Variants in CSNK1G1 observed in about 807,000 individuals in gnomAD.
CSNK1G1 encodes casein kinase 1 gamma 1.
CSNK1G1 carries 22 observed loss-of-function variants against 59.6 expected under a neutral mutation model. The ratio of observed to expected loss-of-function variants is 0.37; its 90% CI spans 0.26 to 0.53. The LOEUF (loss-of-function observed/expected upper bound fraction) is 0.53. Ranked by LOEUF, CSNK1G1 falls within the 20% of genes least tolerant of loss-of-function variation. The pLI, the probability that CSNK1G1 is intolerant of heterozygous loss-of-function variation, is 0.89. For synonymous variants in CSNK1G1, 179 were observed against 177.1 expected, an observed-to-expected ratio of 1.01 and a Z score of -0.08; for missense variants, 384 against 519.5, an observed-to-expected ratio of 0.74 and a Z score of 2.54.
intron 2 of CSNK1G1, among the ~76,000 whole-genome samples, chr15:64,279,102 T>C (rs1450622728): frequency 6.6e-6 from 1 of 152,246 alleles, no homozygotes; most frequent in African/African-American, 2.4e-5. Context: ...TTTTGTAATT[T>C]TGTTTACACC....
chr15:64,229,528 T>TTCTCTCTCTCTCTC (rs34099287), intron 4 of CSNK1G1, among the ~76,000 whole-genome samples: 1 of 144,242 alleles, frequency 6.9e-6, no homozygotes, highest in African/African-American at 2.6e-5. Flanking sequence ...CTCTCTCTCT[T>TTCTCTCTCTCTCTC]TCTCTCTCTC....
intron 2 of CSNK1G1, among the ~76,000 whole-genome samples, chr15:64,295,608 G>C (rs1447754410): frequency 6.6e-6 from 1 of 152,110 alleles, no homozygotes; most frequent in Non-Finnish European, 1.5e-5. Context: ...AGAATATGAG[G>C]ACTAAAAAGC....
rs1431839941 is a variant in CSNK1G1 at position 64,229,473 on chromosome 15, G to A, written c.293-12760C>T. 1.1e-4 allele frequency among the ~76,000 whole-genome samples: 17 copies of A among 152,086 alleles called. No homozygotes were observed. In the East Asian group the frequency reaches 2.9e-3, roughly 26 times the overall value. On this transcript the variant is annotated intron_variant, in intron 4 of 11. Coordinates refer to ENST00000303052, the MANE Select transcript of CSNK1G1 (RefSeq NM_022048.5). ...TCTCATGTAACAAGAGTCAACTCTA[G>A]GACTTTTGTGGAACTATAGAGAAGG... is the stretch of plus-strand genomic sequence containing the variant.
chr15:64,179,243 C>G (rs937532941), intron 11 of CSNK1G1, among the ~76,000 whole-genome samples: 4 of 151,896 alleles, frequency 2.6e-5, no homozygotes, highest in African/African-American at 9.7e-5. Flanking sequence ...GAGACCCTGT[C>G]TCAAAAAATA....
rs971559745 is a variant in CSNK1G1, at chr15:64,323,470, A to G, written c.-224-22747T>C. On this transcript the variant is annotated intron_variant, in intron 1 of 11. Transcript: ENST00000303052. ...AACCTCTGCCTCCTGGGTACAAGCG[A>G]TTCTCCTGCCTCAGCCTCCCTAGTA... 2.0e-5 allele frequency among the ~76,000 whole-genome samples: 3 copies of G among 151,656 alleles called. No individual in the cohort carries two copies. The East Asian group carries it at 5.8e-4, about 29-fold the overall frequency.
At chr15:64,300,035 G>A (rs755202795) in intron 2 of CSNK1G1, among the ~76,000 whole-genome samples, 1 of 152,070 alleles carries the variant, frequency 6.6e-6, no homozygotes, top group Non-Finnish European at 1.5e-5. Flanking sequence ...TCCTAAATCA[G>A]AGTCTGCATT....
chr15:64,192,932 T>C (rs1340131792), intron 10 of CSNK1G1, among the ~76,000 whole-genome samples: 1 of 145,372 alleles, frequency 6.9e-6, no homozygotes, highest in East Asian at 2.1e-4. Flanking sequence ...TGATTACATA[T>C]ACAAACAACT....
Position 64,188,739 on chromosome 15 carries a change from G to A in CSNK1G1, c.1108-8285C>T, listed in dbSNP as rs890181834. 3.6e-5 allele frequency among the ~76,000 whole-genome samples: 5 copies of A among 140,272 alleles called. No individual in the cohort carries two copies. Among genetic ancestry groups the A allele is most frequent in the Non-Finnish European group, 7.8e-5 (5 of 64,150 alleles). 92.0% of individuals were successfully genotyped at this position (140,272 alleles called of 152,430 possible). ...CAGAAAACCAATAACGACCAAAAGA[G>A]GAGGGAGGGGGAAAAAACACACAGT... is the stretch of plus-strand genomic sequence containing the variant. On this transcript the variant is annotated intron_variant, in intron 10 of 11. Transcript: ENST00000303052. The surrounding 1 kb of genome is among the most constrained non-coding windows in gnomAD (Gnocchi z 4.2).
At chr15:64,230,524 C>G (rs749153978) in intron 4 of CSNK1G1, among the ~76,000 whole-genome samples, 1 of 152,106 alleles carries the variant, frequency 6.6e-6, no homozygotes, top group South Asian at 2.1e-4. Flanking sequence ...TCCTGAAGTC[C>G]TGGGCTCGAG....
At chr15:64,206,105 A>T (rs2082176096) in intron 7 of CSNK1G1, among the ~76,000 whole-genome samples, 1 of 152,220 alleles carries the variant, frequency 6.6e-6, no homozygotes, top group Non-Finnish European at 1.5e-5. Context: ...CAGGAGCTCG[A>T]GACCAGCCTG....
intron 4 of CSNK1G1, among the ~76,000 whole-genome samples, chr15:64,228,540 G>A (rs1405379613): frequency 6.6e-6 from 1 of 152,054 alleles, no homozygotes; most frequent in Non-Finnish European, 1.5e-5. Context: ...GGAGGCTGAG[G>A]CAGGGGAATC....
chr15:64,216,792 T>C lies in CSNK1G1; in HGVS notation c.293-79A>G. ...ATGAGATAACAGTATTAGCACTGAA[T>C]AAAATATTTTTAAAAGTACAATTTG... On this transcript the variant is annotated intron_variant, in intron 4 of 11. Transcript: ENST00000303052. This position sits in a 1 kb window ranked among gnomAD's most constrained non-coding sequence, Gnocchi z 4.6. 1 of 1,271,202 alleles carries C rather than the reference T, an allele frequency of 7.9e-7. No homozygotes were observed. Among genetic ancestry groups the C allele is most frequent in the African/African-American group, 1.5e-5 (1 of 66,724 alleles). 78.7% of individuals were successfully genotyped at this position (1,271,202 alleles called of 1,614,324 possible).
intron 10 of CSNK1G1, among the ~76,000 whole-genome samples, chr15:64,196,679 C>T (rs1223137790): frequency 1.3e-5 from 2 of 151,906 alleles, no homozygotes; most frequent in African/African-American, 2.4e-5. Flanking sequence ...CTCGAACTCT[C>T]GACCTCAGGT....
At chr15:64,340,216 A>G (rs1897614204) in intron 1 of CSNK1G1, among the ~76,000 whole-genome samples, 1 of 152,182 alleles carries the variant, frequency 6.6e-6, no homozygotes, top group Non-Finnish European at 1.5e-5. Context: ...GAAATTTTGG[A>G]TTCCACAAAG....
chr15:64,320,191 CCTTTTT>C (rs1430037271), intron 1 of CSNK1G1, among the ~76,000 whole-genome samples: 3 of 151,786 alleles, frequency 2.0e-5, no homozygotes, highest in Admixed American at 6.6e-5. Flanking sequence ...TGCACCAGGC[CCTTTTT>C]CTTATTCTCT....
At chr15:64,299,604 AT>A (rs1895215859) in intron 2 of CSNK1G1, among the ~76,000 whole-genome samples, 1 of 150,650 alleles carries the variant, frequency 6.6e-6, no homozygotes, top group African/African-American at 2.5e-5. Flanking sequence ...AAAAAAAAAA[AT>A]TTTATATATA....
intron 2 of CSNK1G1, among the ~76,000 whole-genome samples, chr15:64,297,434 T>C (rs1403201434): frequency 6.6e-6 from 1 of 151,928 alleles, no homozygotes; most frequent in African/African-American, 2.4e-5. Flanking sequence ...GTTGGTCAGG[T>C]GTGGCGGCTC....
At chr15:64,196,634 TA>T (rs1290765187) in intron 10 of CSNK1G1, among the ~76,000 whole-genome samples, 2 of 152,060 alleles carry the variant, frequency 1.3e-5, no homozygotes, top group Non-Finnish European at 2.9e-5. Flanking sequence ...TATTTTTTAG[TA>T]GAGATGGGGT....
intron 4 of CSNK1G1, among the ~76,000 whole-genome samples, chr15:64,242,625 A>G (rs1891533140): frequency 6.6e-6 from 1 of 152,206 alleles, no homozygotes; most frequent in Non-Finnish European, 1.5e-5. Flanking sequence ...AGAATGGCCT[A>G]ATACGGCTTC....
Sources: gnomAD v4.1 joint callset for allele counts (sites outside exome capture counted in the v4.1 genomes callset) on GRCh38, gnomAD v4.1.1 for gene constraint, Gnocchi (gnomAD v3.1) non-coding constraint, MANE v1.5 for transcripts, NCBI Gene and HGNC (gene_info 2026-07-23, HGNC 2026-07-21) for gene names.